Variants in ANKAR observed in about 807,000 individuals in gnomAD.
The protein encoded by ANKAR is ankyrin and armadillo repeat containing.
A neutral mutation model predicts 146.2 loss-of-function variants in ANKAR; 136 were observed. The ratio of observed to expected loss-of-function variants is 0.93; its 90% CI spans 0.81 to 1.07. The LOEUF is 1.07. ANKAR is among the 50% of genes least tolerant of loss of function. The pLI is 0.00. For synonymous variants in ANKAR, 500 were observed against 575.8 expected (o/e 0.87, Z 1.88); for missense variants, 1,567 against 1,679.9 (o/e 0.93, Z 1.18).
At chr2:189,754,444 C>A (rs1305865904) in intron 18 of ANKAR, 9 of 1,113,456 alleles carry the variant, frequency 8.1e-6, no homozygotes, top group Middle Eastern at 2.6e-4. Flanking sequence ...AAACAAAAAA[C>A]CCCTGAATGA....
At chr2:189,713,340 AAG>A (rs532117108) in intron 10 of ANKAR, among the ~76,000 whole-genome samples, 209 of 152,306 alleles carry the variant, frequency 1.4e-3, no homozygotes, top group Non-Finnish European at 2.5e-3. Context: ...GTTGAAATGA[AAG>A]AAAAAATGTT....
intron 18 of ANKAR, among the ~76,000 whole-genome samples, chr2:189,759,744 CTTAT>C (rs144508956): frequency 0.23 from 35,313 of 151,240 alleles, 4,576 homozygotes; most frequent in African/African-American, 0.35. Flanking sequence ...GTATTTTATT[CTTAT>C]TTATTTATTT....
chr2:189,746,015 C>T (rs1169516478), intron 22 of ANKAR, among the ~76,000 whole-genome samples: 2 of 152,048 alleles, frequency 1.3e-5, no homozygotes, highest in Non-Finnish European at 2.9e-5. Flanking sequence ...TTTGTAGTAA[C>T]ATAAGAAAAA....
In ANKAR at chr2:189,697,353, C is replaced by CAT. The variant is rs551367465; in HGVS notation, c.1708+991_1708+992dup. 1.9e-4 allele frequency among the ~76,000 whole-genome samples: 29 copies of CAT among 151,798 alleles called. No individual in the cohort carries two copies. The South Asian group carries it at 3.3e-3, about 17-fold the overall frequency. On this transcript the variant is annotated intron_variant, in intron 7 of 22. Coordinates refer to ENST00000684021, the MANE Select transcript of ANKAR (RefSeq NM_001378068.1). Reference sequence around the variant, plus strand: ...GTTTGAGGTTACACATATATATGTACATATATATGTAAATTGTCAGGAATG... The same window carrying CAT: ...GTTTGAGGTTACACATATATATGTACATATATATATGTAAATTGTCAGGAATG...
At chr2:189,707,171 C>T (rs1306488529) in intron 9 of ANKAR, 25 bp downstream of exon 9, 2 of 1,273,040 alleles carry the variant, frequency 1.6e-6, no homozygotes, top group Non-Finnish European at 2.1e-6. Flanking sequence ...TTTATAAATA[C>T]ATGTTCTGAT....
intron 10 of ANKAR, 22 bp from the exon 11 acceptor site, chr2:189,719,550 T>G: frequency 6.4e-7 from 1 of 1,554,086 alleles, no homozygotes; most frequent in Non-Finnish European, 8.8e-7. Context: ...GCTTTTTAAT[T>G]TTTTTGCTCT....
intron 9 of ANKAR, among the ~76,000 whole-genome samples, chr2:189,709,108 A>AAATAAATAAAT (rs1402778367): frequency 8.6e-5 from 13 of 151,976 alleles, no homozygotes; most frequent in Admixed American, 7.9e-4. Flanking sequence ...CAAAATAAAT[A>AAATAAATAAAT]AATAAATAAA....
chr2:189,690,285 A>G (rs1478578478), intron 3 of ANKAR, among the ~76,000 whole-genome samples: 1 of 152,188 alleles, frequency 6.6e-6, no homozygotes, highest in African/African-American at 2.4e-5. Context: ...ATTACTCTAT[A>G]AATTCAGTGT....
Position 189,744,746 on chromosome 2 carries a change from G to T in ANKAR, c.4015G>T (p.Glu1339Ter), listed in dbSNP as rs546064203. The change falls in exon 22 of 23, where the codon GAG becomes TAG. Residue 1339 changes from glutamate to a stop codon, truncating the protein, a stop_gained. Coordinates refer to ENST00000684021, the MANE Select transcript of ANKAR (RefSeq NM_001378068.1). LOFTEE classifies it high-confidence loss of function. The stretch of plus-strand genomic sequence containing the variant: ...ACAAAAATGTTTTCCTTTTAGTCTG[G>T]AGAAGAATGGAGGACCATCCATAAT... Reference protein sequence around the residue: ...TLVGLPSLSLEKNGGPSIIPI... With the variant: ...TLVGLPSLSL 35 of 1,591,786 alleles carry T rather than the reference G, an allele frequency of 2.2e-5. No homozygotes were observed. Among genetic ancestry groups the T allele is most frequent in the Admixed American group, 1.2e-4 (7 of 58,800 alleles).
chr2:189,715,171 A>G (rs1402016115), intron 10 of ANKAR, among the ~76,000 whole-genome samples: 4 of 152,196 alleles, frequency 2.6e-5, no homozygotes, highest in African/African-American at 4.8e-5. Flanking sequence ...GAAAAGATCA[A>G]CAAAACTGAT....
intron 15 of ANKAR, 50 bp downstream of exon 15, chr2:189,728,871 G>C: frequency 6.5e-7 from 1 of 1,549,408 alleles, no homozygotes; most frequent in Non-Finnish European, 8.8e-7. Flanking sequence ...AACAAGAACA[G>C]ATTGCGCAGA....
At chr2:189,721,691 A>G (rs937759499) in intron 12 of ANKAR, among the ~76,000 whole-genome samples, 16 of 152,244 alleles carry the variant, frequency 1.1e-4, no homozygotes, top group African/African-American at 3.9e-4. Flanking sequence ...CAGTTAGCAC[A>G]TTTAACAGGT....
At chr2:189,711,182 A>G in intron 10 of ANKAR, 29 bp downstream of exon 10, 1 of 1,490,786 alleles carries the variant, frequency 6.7e-7, no homozygotes, top group Non-Finnish European at 9.3e-7. Flanking sequence ...ATAACTTTTT[A>G]TGCTATTTTA....
Position 189,719,642 on chromosome 2 carries a change from A to G in ANKAR, c.2295A>G (p.Leu765=), listed in dbSNP as rs756718625. The G allele has an allele frequency of 1.2e-6, 2 of 1,614,146 alleles. No homozygotes were observed. The highest frequency in any genetic ancestry group is 1.7e-6 in the Non-Finnish European group (2 of 1,180,012). The change falls in exon 11 of 23, where the codon TTA becomes TTG. Residue 765 remains leucine (L), a synonymous_variant. Coordinates refer to ENST00000684021, the MANE Select transcript of ANKAR (RefSeq NM_001378068.1). The stretch of plus-strand genomic sequence containing the variant: ...AACTGCAGTGCAAAACTGTTGGGTT[A>G]TTGAGTAATATCTCAACCCACAAAA... ...KIKLQCKTVG[L]LSNISTHKSA... is the part of the protein sequence containing the mutation.
intron 22 of ANKAR, 38 bp from the exon 23 acceptor site, chr2:189,746,342 G>C: frequency 6.4e-7 from 1 of 1,562,430 alleles, no homozygotes; most frequent in Non-Finnish European, 8.6e-7. Context: ...TATACCTAGG[G>C]CTCTCAGGAG....
At chr2:189,677,712 T>G (rs1477755791) in intron 2 of ANKAR, among the ~76,000 whole-genome samples, 3 of 151,628 alleles carry the variant, frequency 2.0e-5, no homozygotes, top group African/African-American at 7.3e-5. Context: ...GGTCTCCCTG[T>G]GTTGAACAGG....
chr2:189,723,733 T>A (rs1195191549), intron 12 of ANKAR, among the ~76,000 whole-genome samples: 1 of 152,158 alleles, frequency 6.6e-6, no homozygotes, highest in Non-Finnish European at 1.5e-5. Flanking sequence ...TCCTTAAGCT[T>A]CCATTCTTGT....
chr2:189,742,153 T>C (rs2043398181), intron 20 of ANKAR, among the ~76,000 whole-genome samples: 1 of 152,180 alleles, frequency 6.6e-6, no homozygotes, highest in African/African-American at 2.4e-5. Context: ...CAGAATCACC[T>C]GGAGGGCCTG....
At chr2:189,718,662 C>T (rs1323519407) in intron 10 of ANKAR, among the ~76,000 whole-genome samples, 1 of 151,834 alleles carries the variant, frequency 6.6e-6, no homozygotes, top group African/African-American at 2.4e-5. Flanking sequence ...TCATTTTGTG[C>T]ATGTCCTATA....
Sources: gnomAD v4.1 joint callset for allele counts (sites outside exome capture counted in the v4.1 genomes callset) on GRCh38, gnomAD v4.1.1 for gene constraint, MANE v1.5 for transcripts, NCBI Gene and HGNC (gene_info 2026-07-23, HGNC 2026-07-21) for gene names.